ZNF407: variants seen among roughly 807,000 people sequenced by gnomAD.
ZNF407 encodes the protein zinc finger protein 407.
ZNF407 carries 17 observed loss-of-function variants against 131.2 expected under a neutral mutation model. The ratio of observed to expected loss-of-function variants is 0.13; its 90% CI spans 0.09 to 0.19. The LOEUF (loss-of-function observed/expected upper bound fraction) is 0.19, where lower values mean the gene tolerates loss of function less well. Among genes scored for constraint, ZNF407 ranks in the 10% least tolerant of loss-of-function variants. The pLI is 1.00. For synonymous variants in ZNF407, 1,156 were observed against 1,062.0 expected (o/e 1.09, Z -1.72); for missense variants, 2,681 against 2,830.6 (o/e 0.95, Z 1.20).
At chr18:74,783,400 T>C (rs1377927899) in intron 4 of ZNF407, among the ~76,000 whole-genome samples, 1 of 152,196 alleles carries the variant, frequency 6.6e-6, no homozygotes, top group Admixed American at 6.5e-5. Flanking sequence ...CTTAGAAATT[T>C]TTTTAAAAGT....
chr18:74,802,348 T>C (rs534677633), intron 4 of ZNF407, among the ~76,000 whole-genome samples: 1 of 152,304 alleles, frequency 6.6e-6, no homozygotes, highest in South Asian at 2.1e-4. Context: ...CTGTTAACAA[T>C]GTTACATATA....
chr18:74,968,933 C>T (rs984084609), intron 8 of ZNF407, among the ~76,000 whole-genome samples: 2 of 152,104 alleles, frequency 1.3e-5, no homozygotes, highest in Non-Finnish European at 2.9e-5. Context: ...CCCCATGTTC[C>T]CTCGGGCTCT....
In ZNF407 at chr18:74,634,497, G is replaced by C; in HGVS notation, c.3478G>C (p.Glu1160Gln). 6.2e-7 allele frequency: 1 copy of C among 1,613,810 alleles called. No individual in the cohort carries two copies. The change falls in exon 2 of 9, where the codon GAA becomes CAA. Residue 1160 changes from glutamate to glutamine, a missense_variant. Glu to Gln is a conservative substitution (Grantham distance 29). Transcript: ENST00000299687. ...GACTGAAGAAGAATCTAATTTCAAT[G>C]AAGACCATTCCTTTTGTGAGACTTT... ...VETEEESNFN[E>Q]DHSFCETFQQ... is the part of the protein sequence containing the mutation.
chr18:74,929,895 A>G (rs1971962039), intron 8 of ZNF407, among the ~76,000 whole-genome samples: 1 of 152,212 alleles, frequency 6.6e-6, no homozygotes, highest in African/African-American at 2.4e-5. Context: ...ATCTTAAATG[A>G]TTTTAAACTT....
chr18:75,023,653 C>T (rs919034909), intron 8 of ZNF407, among the ~76,000 whole-genome samples: 1 of 152,132 alleles, frequency 6.6e-6, no homozygotes, highest in Non-Finnish European at 1.5e-5. Context: ...AGGAAGTCAG[C>T]TTTCTCTAAT....
At chr18:74,769,488 A>C (rs1235444187) in intron 3 of ZNF407, among the ~76,000 whole-genome samples, 1 of 152,202 alleles carries the variant, frequency 6.6e-6, no homozygotes, top group Admixed American at 6.5e-5. Flanking sequence ...ATAACCATTC[A>C]TAAACATGTC....
At chr18:74,839,902 C>T (rs768425657) in intron 4 of ZNF407, among the ~76,000 whole-genome samples, 34 of 152,024 alleles carry the variant, frequency 2.2e-4, no homozygotes, top group East Asian at 1.4e-3. Flanking sequence ...CAGAAAACAC[C>T]GTTAGACTCT....
At chr18:74,864,771 C>T (rs975661873) in intron 4 of ZNF407, among the ~76,000 whole-genome samples, 2 of 151,974 alleles carry the variant, frequency 1.3e-5, no homozygotes, top group African/African-American at 4.8e-5. Flanking sequence ...TTGTGAGTGG[C>T]AAATAAGATC....
At position 74,786,760 on chromosome 18, in the gene ZNF407, CTGGTTTTAAT is replaced by C. The variant is rs552147843; in HGVS notation, c.4877+5269_4877+5278del. ...TAAATAGTATCTATGATCATATGAC[CTGGTTTTAAT>C]TGGTTTTAATGTAAAAAAGTATGTT... is the stretch of plus-strand genomic sequence containing the variant. On this transcript the variant is annotated intron_variant, in intron 4 of 8. Transcript: ENST00000299687. Among the ~76,000 whole-genome samples the C allele has an allele frequency of 2.9e-3, 426 of 144,990 alleles. 1 individual carries two copies. Among genetic ancestry groups the C allele is most frequent in the Non-Finnish European group, 4.8e-3 (320 of 66,638 alleles).
At chr18:74,761,357 A>G (rs899452244) in intron 3 of ZNF407, among the ~76,000 whole-genome samples, 3 of 151,998 alleles carry the variant, frequency 2.0e-5, no homozygotes, top group Admixed American at 6.6e-5. Flanking sequence ...GCATATTTCT[A>G]TGCATTTTTT....
chr18:74,776,635 A>T lies in ZNF407; in HGVS notation c.4803-4793A>T, dbSNP rs113127816. On this transcript the variant is annotated intron_variant, in intron 3 of 8. Coordinates refer to ENST00000299687, the MANE Select transcript of ZNF407 (RefSeq NM_017757.3). ...TCTGTTGTCATCCTGAAGAACAGTC[A>T]TCCATAGGAAACTGTTTGGCACAAG... Among the ~76,000 whole-genome samples the T allele has an allele frequency of 1.4e-3, 218 of 152,286 alleles. 1 individual carries two copies. The highest frequency in any genetic ancestry group is 5.0e-3 in the African/African-American group (206 of 41,572).
chr18:74,922,468 A>G (rs1971858941), intron 8 of ZNF407, among the ~76,000 whole-genome samples: 1 of 152,200 alleles, frequency 6.6e-6, no homozygotes, highest in South Asian at 2.1e-4. Context: ...AAAAATAAAA[A>G]CATTACTTAT....
intron 8 of ZNF407, among the ~76,000 whole-genome samples, chr18:74,960,833 C>G (rs1356378843): frequency 2.6e-4 from 27 of 104,158 alleles, no homozygotes; most frequent in African/African-American, 4.4e-4. Flanking sequence ...GGTCCTGAGT[C>G]AGTGCTGGGT....
intron 3 of ZNF407, among the ~76,000 whole-genome samples, chr18:74,704,103 G>T (rs185703544): frequency 8.4e-4 from 128 of 152,224 alleles, no homozygotes; most frequent in African/African-American, 2.9e-3. Flanking sequence ...ATCTGGTCAG[G>T]CATGGCCATG....
chr18:74,723,306 C>CT (rs1471192401), intron 3 of ZNF407, among the ~76,000 whole-genome samples: 2 of 151,990 alleles, frequency 1.3e-5, no homozygotes, highest in Non-Finnish European at 2.9e-5. Flanking sequence ...TCCTTTTTCC[C>CT]TTTGGGATTT....
At position 74,908,822 on chromosome 18, in the gene ZNF407, A is replaced by G. The variant is rs9962827; in HGVS notation, c.5250-11692A>G. On this transcript the variant is annotated intron_variant, in intron 7 of 8. Coordinates refer to ENST00000299687, the MANE Select transcript of ZNF407 (RefSeq NM_017757.3). Reference sequence around the variant, plus strand: ...TCTTCCAACCTACAGTGAGCTTTAAAGCAACATATATGGAGGCTTATATTC... The same window carrying G: ...TCTTCCAACCTACAGTGAGCTTTAAGGCAACATATATGGAGGCTTATATTC... 7.4e-3 allele frequency among the ~76,000 whole-genome samples: 1,132 copies of G among 152,260 alleles called. 13 individuals carry two copies. Among genetic ancestry groups the G allele is most frequent in the African/African-American group, 0.023 (962 of 41,560 alleles).
At chr18:75,030,646 G>C (rs1202098764) in intron 8 of ZNF407, among the ~76,000 whole-genome samples, 2 of 152,124 alleles carry the variant, frequency 1.3e-5, no homozygotes, top group South Asian at 2.1e-4. Context: ...CTTTGCCCTC[G>C]GGCTCGGCTG....
intron 8 of ZNF407, among the ~76,000 whole-genome samples, chr18:75,051,692 A>G (rs1037082422): frequency 1.3e-5 from 2 of 152,118 alleles, no homozygotes; most frequent in African/African-American, 4.8e-5. Flanking sequence ...CCCTTTAAAA[A>G]CTTTAACAGC....
At chr18:74,752,272 T>C (rs1426613250) in intron 3 of ZNF407, among the ~76,000 whole-genome samples, 1 of 152,236 alleles carries the variant, frequency 6.6e-6, no homozygotes, top group East Asian at 1.9e-4. Context: ...TCCTGGATAT[T>C]AGCCCTTTGT....
Sources: allele counts gnomAD v4.1 joint callset (sites outside exome capture counted in the v4.1 genomes callset), GRCh38; gene constraint gnomAD v4.1.1; transcripts MANE v1.5; gene names NCBI Gene and HGNC (gene_info 2026-07-23, HGNC 2026-07-21).